Variants in DEUP1 observed in about 807,000 individuals in gnomAD.
DEUP1 encodes the protein deuterosome assembly protein 1.
DEUP1 carries 82 observed loss-of-function variants against 87.4 expected under a neutral mutation model. The ratio of observed to expected loss-of-function variants is 0.94; its 90% CI spans 0.78 to 1.13. DEUP1 has a LOEUF of 1.13. Ranked by LOEUF, DEUP1 falls within the 50% of genes most tolerant of loss-of-function variation. The pLI is 0.00. For missense variants in DEUP1, 663 were observed against 681.5 expected (o/e 0.97, Z 0.30); for synonymous variants, 214 against 222.7 (o/e 0.96, Z 0.35).
chr11:93,370,856 A>G (rs964700183), intron 6 of DEUP1, among the ~76,000 whole-genome samples, 182 bp from the exon 7 acceptor site: 1 of 152,220 alleles, frequency 6.6e-6, no homozygotes, highest in Middle Eastern at 3.4e-3. Context: ...TATTTTCTCT[A>G]TATGCCATCT....
chr11:93,355,490 G>A lies in DEUP1; in HGVS notation c.149G>A (p.Arg50Gln), dbSNP rs201277348. 56 of 1,613,606 alleles carry A rather than the reference G, an allele frequency of 3.5e-5. No individual in the cohort carries two copies. The highest frequency in any genetic ancestry group is 2.0e-4 in the East Asian group (9 of 44,842). Residue 50 changes from arginine to glutamine, a missense_variant, in exon 3 of 14, where the codon CGG (arginine) becomes CAG (glutamine). By Grantham distance (43) the Arg-to-Gln change is conservative. Transcript: ENST00000298050. ...MRALETRLDL[R>Q]DQELANAQTC... Reference sequence around the variant, plus strand: ...GCTTTGGAGACACGATTAGATCTTCGGGATCAAGAATTGGCAAATGCACAA... The same window carrying A: ...GCTTTGGAGACACGATTAGATCTTCAGGATCAAGAATTGGCAAATGCACAA...
At chr11:93,345,706 G>C (rs1944318182) in intron 2 of DEUP1, among the ~76,000 whole-genome samples, 1 of 151,884 alleles carries the variant, frequency 6.6e-6, no homozygotes, top group Non-Finnish European at 1.5e-5. Flanking sequence ...GGGGTTGTTT[G>C]CTTTTTTTTC....
chr11:93,419,576 A>G (rs537363235), intron 13 of DEUP1, among the ~76,000 whole-genome samples: 1 of 152,286 alleles, frequency 6.6e-6, no homozygotes, highest in African/African-American at 2.4e-5. Flanking sequence ...TATGAGTTGC[A>G]TGACTTTGCA....
chr11:93,336,955 A>G (rs1279730285), intron 2 of DEUP1, among the ~76,000 whole-genome samples: 1 of 152,222 alleles, frequency 6.6e-6, no homozygotes, highest in Admixed American at 6.5e-5. Flanking sequence ...GTGTGCATAC[A>G]TCTTCAACCA....
intron 2 of DEUP1, among the ~76,000 whole-genome samples, chr11:93,340,362 A>AG (rs762606536): frequency 7.9e-5 from 12 of 152,202 alleles, no homozygotes; most frequent in Admixed American, 2.0e-4. Context: ...GACGTTTTCA[A>AG]GGAACAGAAA....
At chr11:93,334,592 A>G (rs7949194) in intron 2 of DEUP1, among the ~76,000 whole-genome samples, 16,492 of 136,830 alleles carry the variant, frequency 0.12, 1,660 homozygotes, top group African/African-American at 0.28. Context: ...CAGAGATTAT[A>G]TCTGGGGAAA....
At chr11:93,416,302 A>G (rs1272720787) in intron 13 of DEUP1, among the ~76,000 whole-genome samples, 1 of 152,188 alleles carries the variant, frequency 6.6e-6, no homozygotes, top group East Asian at 1.9e-4. Context: ...AATAAAGAAA[A>G]AAAGAGAGAA....
At chr11:93,340,685 G>T (rs1305892163) in intron 2 of DEUP1, among the ~76,000 whole-genome samples, 1 of 152,210 alleles carries the variant, frequency 6.6e-6, no homozygotes, top group Admixed American at 6.5e-5. Flanking sequence ...TGACAAATGG[G>T]TTTGTTTTCA....
At chr11:93,330,529 C>G, upstream of DEUP1, 1 of 152,482 alleles carries the variant, frequency 6.6e-6, no homozygotes, top group South Asian at 2.1e-4. Flanking sequence ...GCCGCCGCGC[C>G]CATCCCCCAC....
In DEUP1 at chr11:93,372,044, T is replaced by C. The variant is rs1009145143; in HGVS notation, c.789+764T>C. 5.2e-4 allele frequency among the ~76,000 whole-genome samples: 79 copies of C among 150,668 alleles called. 1 individual carries two copies. The highest frequency in any genetic ancestry group is 1.8e-3 in the African/African-American group (76 of 41,248). On this transcript the variant is annotated intron_variant, in intron 7 of 13. Transcript: ENST00000298050. ...CCTGGGTTCACGCCATTCTCCTGCC[T>C]CAGCCTCCCAAGTAGCTGGGACTAC...
At chr11:93,408,198 G>T in intron 11 of DEUP1, 33 bp from the exon 12 acceptor site, 1 of 1,424,538 alleles carries the variant, frequency 7.0e-7, no homozygotes, top group Non-Finnish European at 9.4e-7. Context: ...ATAAGGGGCA[G>T]TTTATTCAAT....
chr11:93,388,931 A>C (rs1468934971), intron 8 of DEUP1, 89 bp from the exon 9 acceptor site: 1 of 719,760 alleles, frequency 1.4e-6, no homozygotes, highest in Non-Finnish European at 2.3e-6. Context: ...CTATCTCCGC[A>C]GCCTGTAATG....
chr11:93,413,635 A>C (rs2134439735), intron 12 of DEUP1, among the ~76,000 whole-genome samples: 1 of 152,254 alleles, frequency 6.6e-6, no homozygotes, highest in East Asian at 1.9e-4. Context: ...TTTTTGTAAA[A>C]CTTTAGGATA....
At chr11:93,430,777 A>G (rs1303727915) in intron 13 of DEUP1, among the ~76,000 whole-genome samples, 1 of 152,202 alleles carries the variant, frequency 6.6e-6, no homozygotes, top group Admixed American at 6.5e-5. Context: ...AGAAAAATTA[A>G]TGATTGGAAA....
chr11:93,347,214 G>A (rs1469760241), intron 2 of DEUP1, among the ~76,000 whole-genome samples: 2 of 152,134 alleles, frequency 1.3e-5, no homozygotes, highest in Non-Finnish European at 2.9e-5. Context: ...CTAGTTTATT[G>A]AGAGTTTTTA....
chr11:93,420,517 C>T (rs1159767479), intron 13 of DEUP1, among the ~76,000 whole-genome samples: 8,140 of 100,462 alleles, frequency 0.081, 1 homozygote, highest in Middle Eastern at 0.21. Flanking sequence ...CAGGGATGCC[C>T]TCTCTCACCA....
intron 2 of DEUP1, among the ~76,000 whole-genome samples, chr11:93,341,494 T>G (rs1179622924): frequency 2.0e-5 from 3 of 152,164 alleles, no homozygotes; most frequent in Non-Finnish European, 4.4e-5. Context: ...AACAAACTAA[T>G]ACAGGCAGGT....
intron 13 of DEUP1, among the ~76,000 whole-genome samples, chr11:93,418,539 C>T (rs1947733050): frequency 6.6e-6 from 1 of 151,622 alleles, no homozygotes; most frequent in African/African-American, 2.4e-5. Flanking sequence ...ACAACAGGTG[C>T]TGGAGAGGAT....
chr11:93,364,644 A>G (rs1035041931), intron 5 of DEUP1, among the ~76,000 whole-genome samples: 2 of 151,976 alleles, frequency 1.3e-5, no homozygotes, highest in African/African-American at 4.8e-5. Context: ...CCATTTAGCT[A>G]TTAGGTAGTT....
Sources: allele counts gnomAD v4.1 joint callset (sites outside exome capture counted in the v4.1 genomes callset), GRCh38; gene constraint gnomAD v4.1.1; transcripts MANE v1.5; gene names NCBI Gene and HGNC (gene_info 2026-07-23, HGNC 2026-07-21).